The following KCNN2 variants were observed in gnomAD, a reference collection of about 807,000 sequenced individuals.
KCNN2 encodes the protein potassium calcium-activated channel subfamily N member 2.
A neutral mutation model predicts 55.5 loss-of-function variants in KCNN2; 24 were observed. The ratio of observed to expected loss-of-function variants is 0.43; its 90% CI spans 0.31 to 0.61. The LOEUF is 0.61. Among genes scored for constraint, KCNN2 ranks in the 20% least tolerant of loss-of-function variants. The pLI, the probability that KCNN2 is intolerant of heterozygous loss-of-function variation, is 0.08. For synonymous variants in KCNN2, 431 were observed against 336.1 expected, an observed-to-expected ratio of 1.28 and a Z score of -3.09; for missense variants, 754 against 853.6, an observed-to-expected ratio of 0.88 and a Z score of 1.45.
intron 1 of KCNN2, among the ~76,000 whole-genome samples, chr5:114,129,763 A>C (rs1045359796): frequency 2.6e-5 from 4 of 152,178 alleles, no homozygotes; most frequent in African/African-American, 9.6e-5. Context: ...AATCTTGGCC[A>C]TTGTGGAGAC....
intron 1 of KCNN2, among the ~76,000 whole-genome samples, chr5:114,163,185 T>G (rs1752829496): frequency 6.6e-6 from 1 of 152,174 alleles, no homozygotes; most frequent in Non-Finnish European, 1.5e-5. Context: ...TTAGGAATCT[T>G]TTGGGCTGAG....
chr5:114,226,874 C>T (rs1754246576), intron 2 of KCNN2, among the ~76,000 whole-genome samples: 1 of 142,084 alleles, frequency 7.0e-6, no homozygotes, highest in African/African-American at 2.7e-5. Flanking sequence ...GCACTCCAGC[C>T]TGGGCAACAC....
Position 114,363,074 on chromosome 5 carries a change from G to C in KCNN2, c.935G>C (p.Gly312Ala), listed in dbSNP as rs1249122789. ...TGGGGGGGGS[G>A]HGSSSGTKSS... is the part of the protein sequence containing the mutation. ...GGAGGCGGCGGCGGTGGCGGGAGCGGGCACGGCAGCAGCAGTGGCACCAAG... is the reference window on the plus strand; with the variant it reads ...GGAGGCGGCGGCGGTGGCGGGAGCGCGCACGGCAGCAGCAGTGGCACCAAG... The change falls in exon 1 of 8, where the codon GGG becomes GCG. Residue 312 changes from glycine (G) to alanine (A), a missense_variant. Around this residue, in one of 4 missense-constraint regions of KCNN2, gnomAD observed 381 missense variants for 259.1 expected, o/e 1.47. Transcript: ENST00000673685. The C allele has an allele frequency of 6.2e-7, 1 of 1,610,128 alleles. No homozygotes were observed. The highest frequency in any genetic ancestry group is 1.3e-5 in the African/African-American group (1 of 74,886).
chr5:114,493,286 T>C lies in KCNN2; in HGVS notation c.2019-117T>C, dbSNP rs901046790. On this transcript the variant is annotated intron_variant, in intron 6 of 7. Transcript: ENST00000673685. ...AACCAGTTTGGACTTACCCCAAATG[T>C]TCAAGGCATTATCCATGCAGTTATT... 3 of 769,936 alleles carry C rather than the reference T, an allele frequency of 3.9e-6. No individual in the cohort carries two copies. In the African/African-American group the frequency reaches 5.1e-5, roughly 13 times the overall value. The allele number at this position is 769,936 out of a possible 1,614,324, so 47.7% of individuals were successfully genotyped here. A position where few individuals can be genotyped will look rare whatever the true frequency, so the allele number is the denominator to read the frequency against.
intron 2 of KCNN2, among the ~76,000 whole-genome samples, chr5:114,223,378 C>T (rs1754182018): frequency 6.6e-6 from 1 of 152,114 alleles, no homozygotes. Flanking sequence ...TCTTGAACTG[C>T]TTTGAGATTA....
At chr5:114,495,699 G>A (rs1748079615) in intron 7 of KCNN2, among the ~76,000 whole-genome samples, 196 bp from the exon 8 acceptor site, 1 of 152,104 alleles carries the variant, frequency 6.6e-6, no homozygotes, top group Admixed American at 6.5e-5. Flanking sequence ...CTGAACCAAA[G>A]ATCTTATATT....
At chr5:114,466,672 T>G (rs1761468213) in intron 4 of KCNN2, among the ~76,000 whole-genome samples, 1 of 152,174 alleles carries the variant, frequency 6.6e-6, no homozygotes, top group Non-Finnish European at 1.5e-5. Flanking sequence ...GGTGGCCTTT[T>G]GACTAGAGTA....
intron 2 of KCNN2, among the ~76,000 whole-genome samples, chr5:114,371,793 T>C (rs1356892860): frequency 2.0e-5 from 3 of 152,184 alleles, no homozygotes; most frequent in South Asian, 2.1e-4. Context: ...TACTCAGTTA[T>C]GTTGAATTTC....
chr5:114,090,712 T>G (rs1751125668), intron 1 of KCNN2, among the ~76,000 whole-genome samples: 1 of 152,180 alleles, frequency 6.6e-6, no homozygotes, highest in South Asian at 2.1e-4. Flanking sequence ...TTTCACTTTA[T>G]TATTTTAATC....
rs1758935294 is a variant in KCNN2 at position 114,406,408 on chromosome 5, C to T, written c.1637+1552C>T. Among the ~76,000 whole-genome samples, 4 of 151,642 alleles carry T rather than the reference C, an allele frequency of 2.6e-5. No homozygotes were observed. In the South Asian group the frequency reaches 6.2e-4, roughly 24 times the overall value. On this transcript the variant is annotated intron_variant, in intron 3 of 7. Transcript: ENST00000673685. ...CTCCCCAAAAAAGTGATTTTTATCT[C>T]CCTATCTCCCAGTAAGATATATAAA...
Position 114,093,982 on chromosome 5 carries a change from T to A in KCNN2, c.-271+37482T>A, listed in dbSNP as rs191462334. 5.3e-4 allele frequency among the ~76,000 whole-genome samples: 81 copies of A among 152,304 alleles called. 1 individual carries two copies. Among genetic ancestry groups the A allele is most frequent in the Admixed American group, 5.3e-3 (81 of 15,294 alleles). On this transcript the variant is annotated intron_variant, in intron 1 of 10. Coordinates refer to the KCNN2 transcript ENST00000512097. ...TAAGGTTAAGGAACCAATCTATGTA[T>A]ATATAGTGTGGGAGACTTGATTAAA... is the stretch of plus-strand genomic sequence containing the variant.
At chr5:114,165,851 C>G (rs1158825557) in intron 1 of KCNN2, among the ~76,000 whole-genome samples, 1 of 152,026 alleles carries the variant, frequency 6.6e-6, no homozygotes, top group African/African-American at 2.4e-5. Context: ...TTTGGAGAAG[C>G]CAAAAGTTAT....
intron 2 of KCNN2, among the ~76,000 whole-genome samples, chr5:114,277,425 A>G (rs1407410898): frequency 6.6e-6 from 1 of 152,180 alleles, no homozygotes; most frequent in East Asian, 1.9e-4. Flanking sequence ...AATATCCTGA[A>G]GAGCGTTTTC....
At chr5:114,057,750 C>T (rs1308267186) in intron 1 of KCNN2, among the ~76,000 whole-genome samples, 2 of 151,882 alleles carry the variant, frequency 1.3e-5, no homozygotes, top group Non-Finnish European at 2.9e-5. Flanking sequence ...CAGACTGAGA[C>T]CCTGAAGAAC....
At chr5:114,312,420 CACACACACACACACATAT>C (rs1254717986) in intron 2 of KCNN2, among the ~76,000 whole-genome samples, 195 of 67,654 alleles carry the variant, frequency 2.9e-3, no homozygotes, top group Middle Eastern at 8.3e-3. Flanking sequence ...CACACACACA[CACACACACACACACATAT>C]ATATATATAT....
rs375623922 is a variant in KCNN2, at chr5:114,120,202, G to A, written c.-271+63702G>A. Among the ~76,000 whole-genome samples, 8 of 152,216 alleles carry A rather than the reference G, an allele frequency of 5.3e-5. No individual in the cohort carries two copies. The East Asian group carries it at 1.2e-3, about 22-fold the overall frequency. ...TAAGTTCATTTTTCATGTGAAAAATGTGCTTCAGGCTTCAATATGATGAAT... is the reference window on the plus strand; with the variant it reads ...TAAGTTCATTTTTCATGTGAAAAATATGCTTCAGGCTTCAATATGATGAAT... On this transcript the variant is annotated intron_variant, in intron 1 of 10. Coordinates refer to the KCNN2 transcript ENST00000512097.
chr5:114,281,656 T>A (rs926582081), intron 2 of KCNN2, among the ~76,000 whole-genome samples: 5 of 151,990 alleles, frequency 3.3e-5, no homozygotes, highest in Non-Finnish European at 5.9e-5. Context: ...TGTTTATGTG[T>A]GCATTTGTGT....
chr5:114,204,666 C>A (rs1753735090), intron 1 of KCNN2, among the ~76,000 whole-genome samples: 1 of 152,200 alleles, frequency 6.6e-6, no homozygotes, highest in African/African-American at 2.4e-5. Context: ...TACTCAGTAG[C>A]CACTTTTAGT....
At chr5:114,476,324 A>G (rs1761964095) in intron 5 of KCNN2, among the ~76,000 whole-genome samples, 1 of 151,738 alleles carries the variant, frequency 6.6e-6, no homozygotes. Context: ...GTTCATTACT[A>G]CTTTTTAAAA....
Sources: allele counts gnomAD v4.1 joint callset (sites outside exome capture counted in the v4.1 genomes callset), GRCh38; gene constraint gnomAD v4.1.1; regional missense constraint gnomAD v4.1.1; transcripts MANE v1.5; gene names NCBI Gene and HGNC (gene_info 2026-07-23, HGNC 2026-07-21).